The following PLSCR2 variants were observed in gnomAD, a reference collection of about 807,000 sequenced individuals.
PLSCR2 encodes the protein phospholipid scramblase 2.
In PLSCR2, 18 loss-of-function variants were observed where a neutral mutation model predicts 25.3. The ratio of observed to expected loss-of-function variants is 0.71; its 90% CI spans 0.49 to 1.06. The LOEUF (loss-of-function observed/expected upper bound fraction) is 1.06, where lower values mean the gene tolerates loss of function less well. Among genes scored for constraint, PLSCR2 ranks in the 50% least tolerant of loss-of-function variants. The pLI, the probability that PLSCR2 is intolerant of heterozygous loss-of-function variation, is 0.00. For synonymous variants in PLSCR2, 88 were observed against 87.3 expected, an observed-to-expected ratio of 1.01 and a Z score of -0.04; for missense variants, 243 against 269.5, an observed-to-expected ratio of 0.90 and a Z score of 0.69.
At chr3:146,468,757 T>C (rs971437517) in intron 1 of PLSCR2, among the ~76,000 whole-genome samples, 2 of 152,214 alleles carry the variant, frequency 1.3e-5, no homozygotes, top group African/African-American at 2.4e-5. Context: ...ACTAGCTGAA[T>C]TGAAATTATT....
downstream of PLSCR2, among the ~76,000 whole-genome samples, chr3:146,432,567 G>A (rs2108129063): frequency 6.6e-6 from 1 of 152,312 alleles, no homozygotes; most frequent in South Asian, 2.1e-4. Context: ...AATTCCTGCA[G>A]TGGTAAGGTC....
At chr3:146,446,797 G>A (rs2040580413) in intron 6 of PLSCR2, among the ~76,000 whole-genome samples, 1 of 152,074 alleles carries the variant, frequency 6.6e-6, no homozygotes, top group South Asian at 2.1e-4. Flanking sequence ...CAGGAGCCTG[G>A]GCCCAGAGTT....
intron 4 of PLSCR2, 122 bp from the exon 5 acceptor site, chr3:146,454,285 T>C: frequency 1.7e-6 from 1 of 597,936 alleles, no homozygotes; most frequent in African/African-American, 1.9e-5. Context: ...TCCTAGGACT[T>C]TTTTTTTAAA....
At chr3:146,424,700 G>C (rs1349217282) in intron 2 of PLSCR2, among the ~76,000 whole-genome samples, 2 of 152,068 alleles carry the variant, frequency 1.3e-5, no homozygotes, top group African/African-American at 4.8e-5. Flanking sequence ...TTGTATGGCA[G>C]TCTGAGTAGT....
chr3:146,417,433 A>G (rs1409821226), intron 2 of PLSCR2, among the ~76,000 whole-genome samples: 2 of 152,182 alleles, frequency 1.3e-5, no homozygotes, highest in East Asian at 3.8e-4. Flanking sequence ...TTACTGCCAA[A>G]AACAAGAGTA....
intron 6 of PLSCR2, among the ~76,000 whole-genome samples, chr3:146,445,261 TG>T (rs745992415): frequency 2.6e-5 from 4 of 152,174 alleles, no homozygotes; most frequent in Non-Finnish European, 5.9e-5. Flanking sequence ...CAGTGAGTTT[TG>T]CACCTTCAGG....
intron 2 of PLSCR2, among the ~76,000 whole-genome samples, chr3:146,399,768 C>T: frequency 8.9e-6 from 1 of 112,818 alleles, no homozygotes; most frequent in Admixed American, 1.0e-4. Flanking sequence ...TGCTTTCTTG[C>T]TTGCTTTCTT....
chr3:146,416,043 CG>C (rs1221767832), intron 2 of PLSCR2, among the ~76,000 whole-genome samples: 1 of 152,042 alleles, frequency 6.6e-6, no homozygotes, highest in Non-Finnish European at 1.5e-5. Flanking sequence ...CTCTGTTTCC[CG>C]GGTTCACACC....
chr3:146,456,879 T>C (rs970808338), intron 3 of PLSCR2, among the ~76,000 whole-genome samples: 2 of 152,124 alleles, frequency 1.3e-5, no homozygotes, highest in Non-Finnish European at 2.9e-5. Flanking sequence ...ATGAAGCACA[T>C]ATATTGTGCA....
intron 2 of PLSCR2, among the ~76,000 whole-genome samples, chr3:146,459,093 A>G (rs938367683): frequency 2.6e-5 from 4 of 152,178 alleles, no homozygotes; most frequent in South Asian, 2.1e-4. Flanking sequence ...GATCTCTAAG[A>G]CAAAACAAAC....
At chr3:146,477,749 T>A (rs2042969746) in intron 1 of PLSCR2, among the ~76,000 whole-genome samples, 1 of 152,208 alleles carries the variant, frequency 6.6e-6, no homozygotes. Flanking sequence ...CAGCACAGCA[T>A]TTGAGCTCTG....
chr3:146,473,926 A>G (rs2042201755), intron 1 of PLSCR2, among the ~76,000 whole-genome samples: 1 of 152,240 alleles, frequency 6.6e-6, no homozygotes, highest in Admixed American at 6.5e-5. Flanking sequence ...TTGAAGAACA[A>G]TATGTTCTTG....
chr3:146,419,225 A>G (rs2039073471), intron 2 of PLSCR2, among the ~76,000 whole-genome samples: 2 of 152,150 alleles, frequency 1.3e-5, no homozygotes, highest in South Asian at 4.1e-4. Flanking sequence ...TATCTTTCAA[A>G]ATAACATTAT....
At chr3:146,459,702 A>C (rs2108404337) in intron 2 of PLSCR2, 146 bp downstream of exon 2, 1 of 603,498 alleles carries the variant, frequency 1.7e-6, no homozygotes, top group South Asian at 2.2e-5. Flanking sequence ...GTGATTTGTT[A>C]ACAGAATGTG....
intron 1 of PLSCR2, among the ~76,000 whole-genome samples, chr3:146,472,868 A>G (rs1488396689): frequency 6.6e-6 from 1 of 152,232 alleles, no homozygotes; most frequent in Non-Finnish European, 1.5e-5. Flanking sequence ...AAGTCCAAGG[A>G]CAGGGAACCA....
chr3:146,455,457 GAACT>G lies in PLSCR2; in HGVS notation c.101-2_102del. The G allele has an allele frequency of 6.3e-7, 1 of 1,579,266 alleles. No individual in the cohort carries two copies. The highest frequency in any genetic ancestry group is 8.7e-7 in the Non-Finnish European group (1 of 1,149,860). The stretch of plus-strand genomic sequence containing the variant: ...ATGTTACTACTTTCAAAACTGAATA[GAACT>G]AAAAATGAAAATAAAATCAGTTGCC... On this transcript the variant is annotated splice_acceptor_variant and coding_sequence_variant, in exon 4 of 7. Transcript: ENST00000610787. LOFTEE classifies it high-confidence loss of function.
Position 146,491,866 on chromosome 3 carries a change from C to A in PLSCR2, c.-293+4029G>T, listed in dbSNP as rs537936868. On this transcript the variant is annotated intron_variant, in intron 1 of 8. Coordinates refer to the PLSCR2 transcript ENST00000336685. ...TCAGCCATTTCAGTGTGACCAAGAA[C>A]CAGGAGCTACTGCAGTTGATTGGAG... is the stretch of plus-strand genomic sequence containing the variant. 3.9e-5 allele frequency among the ~76,000 whole-genome samples: 6 copies of A among 152,128 alleles called. No individual in the cohort carries two copies. In the South Asian group the frequency reaches 1.2e-3, roughly 31 times the overall value.
chr3:146,437,620 C>G (rs1052582355), downstream of PLSCR2, among the ~76,000 whole-genome samples: 2 of 151,956 alleles, frequency 1.3e-5, no homozygotes, highest in African/African-American at 4.8e-5. Context: ...GTGGTGATAT[C>G]CCCTTTATCA....
chr3:146,410,494 T>C (rs1391098644), intron 2 of PLSCR2, among the ~76,000 whole-genome samples: 1 of 152,164 alleles, frequency 6.6e-6, no homozygotes. Flanking sequence ...GGTGTATGTT[T>C]TTCACACTCG....
Sources: allele counts gnomAD v4.1 joint callset (sites outside exome capture counted in the v4.1 genomes callset), GRCh38; gene constraint gnomAD v4.1.1; transcripts MANE v1.5; gene names NCBI Gene and HGNC (gene_info 2026-07-23, HGNC 2026-07-21).